NRXN3: variants seen among roughly 807,000 people sequenced by gnomAD.
NRXN3 encodes neurexin 3, also known as neurexin III.
NRXN3 carries 32 observed loss-of-function variants against 137.6 expected under a neutral mutation model. The observed-to-expected ratio is 0.23, with a 90% CI of 0.18 to 0.31. NRXN3 has a LOEUF of 0.31. NRXN3 is among the 10% of genes least tolerant of loss of function. NRXN3 has a pLI of 1.00. For synonymous variants in NRXN3, 798 were observed against 784.5 expected, an observed-to-expected ratio of 1.02 and a Z score of -0.29; for missense variants, 1,574 against 2,062.5, an observed-to-expected ratio of 0.76 and a Z score of 4.59.
chr14:79,139,404 A>G (rs2058576126), intron 15 of NRXN3, among the ~76,000 whole-genome samples: 1 of 152,164 alleles, frequency 6.6e-6, no homozygotes, highest in African/African-American at 2.4e-5. Context: ...CGGTTATAAG[A>G]AAAGGAAGTC....
In NRXN3 at chr14:79,837,583, C is replaced by T. The variant is rs1284042156; in HGVS notation, c.4094-23759C>T. Among the ~76,000 whole-genome samples the T allele has an allele frequency of 2.6e-5, 4 of 152,256 alleles. No homozygotes were observed. The East Asian group carries it at 5.8e-4, about 22-fold the overall frequency. On this transcript the variant is annotated intron_variant, in intron 20 of 20. Coordinates refer to ENST00000335750, the MANE Select transcript of NRXN3 (RefSeq NM_001330195.2). ...GAAATATCCCCATCTCTTTCTCCAT[C>T]GTGGGTTTTTCCTTTGGGCCACAAA... is the stretch of plus-strand genomic sequence containing the variant.
rs574707913 is a variant in NRXN3 at position 78,990,216 on chromosome 14, G to A, written c.3262+2075G>A. Among the ~76,000 whole-genome samples, 5 of 152,230 alleles carry A rather than the reference G, an allele frequency of 3.3e-5. No homozygotes were observed. In the South Asian group the frequency reaches 8.3e-4, roughly 25 times the overall value. ...ATTTTGAATTTTATTCTGTAACAAT[G>A]CAGCTAAATCTTTTCATTATAGCAG... On this transcript the variant is annotated intron_variant, in intron 15 of 20. Transcript: ENST00000335750.
chr14:79,105,965 T>C (rs1251241071), intron 15 of NRXN3, among the ~76,000 whole-genome samples: 3 of 152,142 alleles, frequency 2.0e-5, no homozygotes, highest in Non-Finnish European at 4.4e-5. Context: ...AACCTACTAG[T>C]GTTTAAACCT....
At chr14:79,627,594 T>C (rs2098296399) in intron 16 of NRXN3, among the ~76,000 whole-genome samples, 1 of 152,234 alleles carries the variant, frequency 6.6e-6, no homozygotes, top group Admixed American at 6.5e-5. Flanking sequence ...CACAGCCTTC[T>C]TTCATTCTTC....
At chr14:79,249,602 A>T (rs564251493) in intron 15 of NRXN3, among the ~76,000 whole-genome samples, 1 of 152,310 alleles carries the variant, frequency 6.6e-6, no homozygotes, top group South Asian at 2.1e-4. Flanking sequence ...TCCTAAATAA[A>T]ATAACCCAGC....
rs183592998 is a variant in NRXN3 at position 78,310,021 on chromosome 14, A to T, written c.757+12161A>T. Among the ~76,000 whole-genome samples the T allele has an allele frequency of 3.7e-3, 558 of 152,256 alleles. 14 individuals carry two copies. Among genetic ancestry groups the T allele is most frequent in the Admixed American group, 0.033 (506 of 15,278 alleles). On this transcript the variant is annotated intron_variant, in intron 4 of 20. Transcript: ENST00000335750. The stretch of plus-strand genomic sequence containing the variant: ...AATTTTAAAGATACTAGTCTGGTTA[A>T]AACACTTCCAGTTTGTATTACCTGA...
chr14:79,415,635 A>G (rs1239361802), intron 15 of NRXN3, among the ~76,000 whole-genome samples: 1 of 152,136 alleles, frequency 6.6e-6, no homozygotes, highest in Non-Finnish European at 1.5e-5. Context: ...TCATGTATGC[A>G]CTAGTGTGTG....
At chr14:78,216,872 A>G (rs1387284314) in intron 1 of NRXN3, among the ~76,000 whole-genome samples, 1 of 151,276 alleles carries the variant, frequency 6.6e-6, no homozygotes, top group African/African-American at 2.4e-5. Flanking sequence ...TAGTGGCCTC[A>G]CTCCAGTGGC....
At chr14:79,523,124 C>A (rs1005736094) in intron 16 of NRXN3, among the ~76,000 whole-genome samples, 1 of 152,076 alleles carries the variant, frequency 6.6e-6, no homozygotes, top group Non-Finnish European at 1.5e-5. Flanking sequence ...ACACTGTGTG[C>A]GAACTTGGTG....
chr14:78,946,763 C>G (rs1286878160), intron 10 of NRXN3, among the ~76,000 whole-genome samples: 1 of 152,132 alleles, frequency 6.6e-6, no homozygotes, highest in African/African-American at 2.4e-5. Context: ...GAAATTAGTC[C>G]TGTTTGCCAA....
At chr14:79,599,852 G>A (rs1003704057) in intron 16 of NRXN3, among the ~76,000 whole-genome samples, 10 of 152,054 alleles carry the variant, frequency 6.6e-5, no homozygotes, top group African/African-American at 1.7e-4. Context: ...AAAATTAGCC[G>A]GGTGTGGTGG....
chr14:78,274,872 C>CT (rs1237667299), intron 2 of NRXN3, among the ~76,000 whole-genome samples: 13 of 152,158 alleles, frequency 8.5e-5, no homozygotes, highest in Non-Finnish European at 4.4e-5. Context: ...ATCAGGATTA[C>CT]TTTTTCCCCC....
chr14:78,247,656 G>A (rs2067891486), intron 2 of NRXN3, among the ~76,000 whole-genome samples: 1 of 152,128 alleles, frequency 6.6e-6, no homozygotes, highest in Non-Finnish European at 1.5e-5. Context: ...ATTTTCATCT[G>A]GCTTTTTGTT....
At chr14:78,361,551 G>T (rs2085119516) in intron 4 of NRXN3, among the ~76,000 whole-genome samples, 1 of 152,152 alleles carries the variant, frequency 6.6e-6, no homozygotes, top group African/African-American at 2.4e-5. Context: ...TATTGATTTT[G>T]TAAATAGCTA....
chr14:79,012,674 C>T (rs772925703), intron 15 of NRXN3, among the ~76,000 whole-genome samples: 6 of 152,146 alleles, frequency 3.9e-5, no homozygotes, highest in Non-Finnish European at 5.9e-5. Flanking sequence ...TGTGTTTCCC[C>T]AGAAGACCAT....
chr14:78,738,661 A>G (rs1318625325), intron 8 of NRXN3, among the ~76,000 whole-genome samples: 1 of 152,212 alleles, frequency 6.6e-6, no homozygotes, highest in Non-Finnish European at 1.5e-5. Flanking sequence ...GACACAGGGC[A>G]AAAAGAAATA....
At chr14:79,837,452 CT>C (rs757046468) in intron 20 of NRXN3, among the ~76,000 whole-genome samples, 51 of 152,132 alleles carry the variant, frequency 3.4e-4, no homozygotes, top group Admixed American at 5.9e-4. Context: ...AGAGAGCTTA[CT>C]TTCTGGAAGC....
chr14:78,977,119 G>A (rs775619294), intron 14 of NRXN3, among the ~76,000 whole-genome samples: 2 of 152,138 alleles, frequency 1.3e-5, no homozygotes, highest in Non-Finnish European at 2.9e-5. Context: ...ACCAGCCCAA[G>A]GTCACATTAC....
intron 4 of NRXN3, among the ~76,000 whole-genome samples, chr14:78,627,708 G>A (rs1373807448): frequency 3.9e-5 from 6 of 152,170 alleles, no homozygotes; most frequent in Non-Finnish European, 8.8e-5. Context: ...TTCTGGTCTT[G>A]GGTATATTGC....
Sources: gnomAD v4.1 joint callset for allele counts (sites outside exome capture counted in the v4.1 genomes callset) on GRCh38, gnomAD v4.1.1 for gene constraint, MANE v1.5 for transcripts, NCBI Gene and HGNC (gene_info 2026-07-23, HGNC 2026-07-21) for gene names.